C2CD5: variants seen among roughly 807,000 people sequenced by gnomAD.
C2CD5 encodes C2 domain-containing protein 5.
A neutral mutation model predicts 130.3 loss-of-function variants in C2CD5; 109 were observed. The observed-to-expected ratio is 0.84, with a 90% CI of 0.72 to 0.98. C2CD5 has a LOEUF of 0.98. C2CD5 is among the 50% of genes least tolerant of loss of function. The pLI, the probability that C2CD5 is intolerant of heterozygous loss-of-function variation, is 0.00. For synonymous variants in C2CD5, 454 were observed against 429.2 expected (o/e 1.06, Z -0.71); for missense variants, 996 against 1,261.8 (o/e 0.79, Z 3.19).
At chr12:22,515,266 C>A (rs893479641) in intron 8 of C2CD5, 1 of 238,352 alleles carries the variant, frequency 4.2e-6, no homozygotes, top group Non-Finnish European at 6.8e-6. Flanking sequence ...TTAAAATGTA[C>A]AGACAAATTA....
At position 22,484,841 on chromosome 12, in the gene C2CD5, T is replaced by C; in HGVS notation, c.1406A>G (p.Tyr469Cys). The change falls in exon 13 of 27, where the codon TAT becomes TGT. Residue 469 changes from tyrosine (Y) to cysteine (C), a missense_variant. This residue lies in a region of C2CD5 where 590 missense variants were observed against 631.4 expected (regional missense o/e 0.93). Coordinates refer to ENST00000446597, the MANE Select transcript of C2CD5 (RefSeq NM_001286176.2). ...PTRCGFCHIP[Y>C]DELNMPFPAH... ...TGGAAATGGCATATTCAGTTCATCA[T>C]ATGGTATATGACAAAATCCACAACG... 6.2e-7 allele frequency: 1 copy of C among 1,604,828 alleles called. No individual in the cohort carries two copies. Among genetic ancestry groups the C allele is most frequent in the Non-Finnish European group, 8.5e-7 (1 of 1,175,520 alleles).
chr12:22,477,116 T>C (rs1943957335), intron 15 of C2CD5: 2 of 152,138 alleles, frequency 1.3e-5, no homozygotes, highest in African/African-American at 2.4e-5. Flanking sequence ...AAGAAACAGA[T>C]AAAATCCATT....
chr12:22,481,798 ATTT>A (rs762273958), intron 14 of C2CD5, among the ~76,000 whole-genome samples: 8 of 93,188 alleles, frequency 8.6e-5, no homozygotes, highest in South Asian at 3.5e-4. Context: ...CACCTGGTGT[ATTT>A]TTTTTTTTTT....
intron 22 of C2CD5, among the ~76,000 whole-genome samples, chr12:22,469,141 G>A (rs1176748308): frequency 6.6e-6 from 1 of 151,970 alleles, no homozygotes; most frequent in South Asian, 2.1e-4. Flanking sequence ...TAGATTTATT[G>A]CTATTAAATT....
intron 14 of C2CD5, among the ~76,000 whole-genome samples, chr12:22,478,914 C>T (rs1372601410): frequency 1.3e-5 from 2 of 152,048 alleles, no homozygotes; most frequent in Non-Finnish European, 2.9e-5. Flanking sequence ...ATATAATCAG[C>T]ATCAGGGTAT....
intron 12 of C2CD5, among the ~76,000 whole-genome samples, chr12:22,487,330 A>T (rs1945677152): frequency 6.6e-6 from 1 of 152,138 alleles, no homozygotes; most frequent in African/African-American, 2.4e-5. Context: ...AATATCCAGA[A>T]TCTACAATGA....
At chr12:22,520,099 G>C (rs1371654264) in intron 7 of C2CD5, among the ~76,000 whole-genome samples, 1 of 151,924 alleles carries the variant, frequency 6.6e-6, no homozygotes, top group Non-Finnish European at 1.5e-5. Context: ...TGGCTAAAAG[G>C]ATTACATTGA....
intron 6 of C2CD5, among the ~76,000 whole-genome samples, chr12:22,523,908 G>A (rs577009128): frequency 6.6e-6 from 1 of 151,888 alleles, no homozygotes; most frequent in East Asian, 1.9e-4. Flanking sequence ...GATACTTTGT[G>A]TGAAATACAT....
intron 16 of C2CD5, among the ~76,000 whole-genome samples, chr12:22,473,020 T>C (rs976012192): frequency 1.3e-5 from 2 of 152,024 alleles, no homozygotes; most frequent in Non-Finnish European, 2.9e-5. Context: ...GTACACTAAG[T>C]TAAAAAAGAA....
At chr12:22,494,619 T>C (rs1340595796) in intron 10 of C2CD5, among the ~76,000 whole-genome samples, 1 of 152,076 alleles carries the variant, frequency 6.6e-6, no homozygotes, top group East Asian at 1.9e-4. Flanking sequence ...ATTAAAGTTT[T>C]GGTTCCAAGA....
intron 25 of C2CD5, 53 bp downstream of exon 25, chr12:22,456,918 C>T: frequency 3.4e-6 from 4 of 1,172,026 alleles, no homozygotes; most frequent in Admixed American, 2.6e-5. Flanking sequence ...AGTTTTGTTA[C>T]TAAATCTTCA....
At chr12:22,483,158 C>A (rs542931923) in intron 13 of C2CD5, among the ~76,000 whole-genome samples, 1 of 152,104 alleles carries the variant, frequency 6.6e-6, no homozygotes, top group African/African-American at 2.4e-5. Flanking sequence ...CCTATAAATA[C>A]ATACACCTGT....
intron 13 of C2CD5, among the ~76,000 whole-genome samples, chr12:22,484,001 T>C (rs1359693807): frequency 2.0e-5 from 3 of 152,112 alleles, no homozygotes; most frequent in Non-Finnish European, 4.4e-5. Context: ...TATAAGTTGA[T>C]GAGTTCAACT....
chr12:22,454,189 T>A (rs1355388981), intron 25 of C2CD5, 147 bp from the exon 26 acceptor site: 1 of 619,976 alleles, frequency 1.6e-6, no homozygotes, highest in Non-Finnish European at 2.7e-6. Context: ...AATGGGGATT[T>A]ACTGCATGAA....
At chr12:22,465,650 C>G (rs936150346) in intron 22 of C2CD5, among the ~76,000 whole-genome samples, 7 of 151,940 alleles carry the variant, frequency 4.6e-5, no homozygotes, top group African/African-American at 1.7e-4. Flanking sequence ...CCCCATTTTG[C>G]TCATTCTTTT....
In C2CD5 at chr12:22,449,436, G is replaced by A. The variant is rs376354471; in HGVS notation, c.*324C>T. ...ACTAGAGTAGCTATCCTAATTTCCT[G>A]ACAATCTTCCCATTTCATTTTTTAA... On this transcript the variant is annotated 3_prime_UTR_variant, in exon 27 of 27. Coordinates refer to ENST00000446597, the MANE Select transcript of C2CD5 (RefSeq NM_001286176.2). The A allele has an allele frequency of 2.8e-4, 51 of 181,474 alleles. No homozygotes were observed. The South Asian group carries it at 8.6e-3, about 31-fold the overall frequency. 11.2% of individuals were successfully genotyped at this position (181,474 alleles called of 1,614,324 possible).
At chr12:22,507,808 G>A (rs761807098) in intron 9 of C2CD5, among the ~76,000 whole-genome samples, 20 of 152,192 alleles carry the variant, frequency 1.3e-4, no homozygotes, top group South Asian at 6.2e-4. Context: ...GCAAAACAGG[G>A]CTCTCAACGG....
At position 22,535,279 on chromosome 12, in the gene C2CD5, G is replaced by A. The variant is rs764704013; in HGVS notation, c.156C>T (p.Asn52=). Residue 52 remains asparagine (N), a synonymous_variant, in exon 3 of 27, where the codon AAC becomes AAT. Transcript: ENST00000446597. ...TTACCTCAAATTTAAACCACTCCGA[G>A]TTCCACTGAGGGTTGAGTGACTTAA... ...VYLKSLNPQW[N]SEWFKFEVDD... 1.2e-6 allele frequency: 2 copies of A among 1,604,518 alleles called. No individual in the cohort carries two copies. Among genetic ancestry groups the A allele is most frequent in the Non-Finnish European group, 1.7e-6 (2 of 1,172,118 alleles).
At chr12:22,481,161 G>A (rs1591781624) in intron 14 of C2CD5, among the ~76,000 whole-genome samples, 2 of 152,020 alleles carry the variant, frequency 1.3e-5, no homozygotes, top group Admixed American at 1.3e-4. Flanking sequence ...AATTTCTGTC[G>A]TTAGAAAACT....
Sources: gnomAD v4.1 joint callset for allele counts (sites outside exome capture counted in the v4.1 genomes callset) on GRCh38, gnomAD v4.1.1 for gene constraint, gnomAD v4.1.1 regional missense constraint, MANE v1.5 for transcripts, NCBI Gene and HGNC (gene_info 2026-07-23, HGNC 2026-07-21) for gene names.